Variants in ROBO2 observed in about 807,000 individuals in gnomAD.
The protein encoded by ROBO2 is roundabout homolog 2.
ROBO2 carries 53 observed loss-of-function variants against 160.8 expected under a neutral mutation model. That is an observed-to-expected ratio of 0.33 (90% CI 0.26 to 0.41). The LOEUF (loss-of-function observed/expected upper bound fraction) is 0.41, where lower values mean the gene tolerates loss of function less well. Ranked by LOEUF, ROBO2 falls within the 10% of genes least tolerant of loss-of-function variation. ROBO2 has a pLI of 1.00. For missense variants in ROBO2, 1,577 were observed against 1,722.4 expected (o/e 0.92, Z 1.49); for synonymous variants, 664 against 611.7 (o/e 1.09, Z -1.26).
At chr3:76,601,183 A>G (rs1462993977) in intron 2 of ROBO2, among the ~76,000 whole-genome samples, 1 of 152,154 alleles carries the variant, frequency 6.6e-6, no homozygotes, top group Non-Finnish European at 1.5e-5. Flanking sequence ...TATAGCCCCA[A>G]TCCTGGCTGC....
intron 5 of ROBO2, among the ~76,000 whole-genome samples, chr3:77,514,214 T>C (rs9833712): frequency 0.75 from 113,758 of 151,368 alleles, 42,953 homozygotes; most frequent in Admixed American, 0.81. Flanking sequence ...GAAAATTTAT[T>C]CTAGACTTCT....
intron 1 of ROBO2, among the ~76,000 whole-genome samples, chr3:77,064,315 C>A (rs1248010996): frequency 6.7e-6 from 1 of 149,428 alleles, no homozygotes; most frequent in Non-Finnish European, 1.5e-5. Flanking sequence ...ATACAAATTG[C>A]AATTTTATAT....
At chr3:75,924,525 G>A (rs1480172746) in intron 1 of ROBO2, among the ~76,000 whole-genome samples, 1 of 151,958 alleles carries the variant, frequency 6.6e-6, no homozygotes, top group Non-Finnish European at 1.5e-5. Context: ...ACCCCCAGAA[G>A]TATAAAGACA....
At chr3:76,125,150 A>G (rs551507808) in intron 2 of ROBO2, among the ~76,000 whole-genome samples, 4 of 152,206 alleles carry the variant, frequency 2.6e-5, no homozygotes, top group African/African-American at 4.8e-5. Flanking sequence ...TTCCAGCTCT[A>G]TCCATGTTGC....
At chr3:77,142,087 G>C (rs1486380358) in intron 2 of ROBO2, among the ~76,000 whole-genome samples, 1 of 151,936 alleles carries the variant, frequency 6.6e-6, no homozygotes, top group South Asian at 2.1e-4. Context: ...CTCTCTCTCT[G>C]TTTCTCTCTC....
chr3:77,007,470 T>C (rs2061641988), intron 2 of ROBO2, among the ~76,000 whole-genome samples: 1 of 152,116 alleles, frequency 6.6e-6, no homozygotes, highest in Non-Finnish European at 1.5e-5. Context: ...TATTTACAGA[T>C]CTTCTTCCTA....
At chr3:77,535,789 T>A (rs2092057818) in intron 6 of ROBO2, among the ~76,000 whole-genome samples, 1 of 152,124 alleles carries the variant, frequency 6.6e-6, no homozygotes, top group Admixed American at 6.5e-5. Flanking sequence ...TTCCTAGGGA[T>A]CTCTCAATTT....
intron 2 of ROBO2, among the ~76,000 whole-genome samples, chr3:76,303,295 G>A (rs188246299): frequency 4.5e-4 from 68 of 151,914 alleles, no homozygotes; most frequent in East Asian, 7.7e-4. Flanking sequence ...CTAATTTTTC[G>A]TATGAATTCT....
intron 2 of ROBO2, among the ~76,000 whole-genome samples, chr3:77,104,040 T>TA (rs529950906): frequency 1.6e-4 from 25 of 152,136 alleles, no homozygotes; most frequent in Middle Eastern, 3.4e-3. Context: ...GAGAGCTTTT[T>TA]AAAAAAAATG....
chr3:76,034,441 GATAAGA>G (rs2067033539), intron 2 of ROBO2, among the ~76,000 whole-genome samples: 1 of 152,096 alleles, frequency 6.6e-6, no homozygotes, highest in African/African-American at 2.4e-5. Context: ...AATTTTCTAT[GATAAGA>G]TGTGGAGACT....
intron 2 of ROBO2, among the ~76,000 whole-genome samples, chr3:77,112,650 C>T (rs1319153211): frequency 6.6e-6 from 1 of 152,106 alleles, no homozygotes; most frequent in Admixed American, 6.5e-5. Flanking sequence ...ATCGTTCCTA[C>T]CCGGCACCTC....
chr3:76,567,843 C>G, intron 2 of ROBO2, among the ~76,000 whole-genome samples: 1 of 121,046 alleles, frequency 8.3e-6, no homozygotes, highest in East Asian at 2.4e-4. Flanking sequence ...TGGACAGAGT[C>G]TTGCTCTGTT....
At chr3:77,632,657 G>C in intron 23 of ROBO2, 1 of 1,532,752 alleles carries the variant, frequency 6.5e-7, no homozygotes, top group Non-Finnish European at 8.7e-7. Context: ...ACAAGAACAG[G>C]TTGGTAGACT....
intron 2 of ROBO2, among the ~76,000 whole-genome samples, chr3:76,985,613 A>T (rs1305006017): frequency 6.8e-6 from 1 of 147,688 alleles, no homozygotes; most frequent in Non-Finnish European, 1.5e-5. Flanking sequence ...AAAGAAGATA[A>T]TCTATTTTTG....
intron 2 of ROBO2, among the ~76,000 whole-genome samples, chr3:76,392,820 T>C (rs1238205781): frequency 2.6e-5 from 4 of 152,148 alleles, no homozygotes; most frequent in Non-Finnish European, 5.9e-5. Flanking sequence ...TCAAAGGAAC[T>C]GAATTTTGAT....
intron 2 of ROBO2, among the ~76,000 whole-genome samples, chr3:76,459,674 A>G (rs1160088908): frequency 6.6e-6 from 1 of 152,196 alleles, no homozygotes; most frequent in Non-Finnish European, 1.5e-5. Flanking sequence ...TTAATGTAAT[A>G]AGACATATAC....
intron 8 of ROBO2, among the ~76,000 whole-genome samples, chr3:77,556,672 G>A (rs1457154535): frequency 6.6e-6 from 1 of 151,862 alleles, no homozygotes; most frequent in Non-Finnish European, 1.5e-5. Flanking sequence ...TAAGCAAACT[G>A]TTTTCAATTG....
intron 2 of ROBO2, among the ~76,000 whole-genome samples, chr3:76,184,219 C>G (rs1254697030): frequency 6.6e-6 from 1 of 152,064 alleles, no homozygotes; most frequent in Non-Finnish European, 1.5e-5. Flanking sequence ...CTGTGTCCAG[C>G]TAGGTACTTT....
rs1362972611 is a variant in ROBO2, at chr3:75,912,721, A to G, written c.-14+5761A>G. 4.8e-4 allele frequency among the ~76,000 whole-genome samples: 73 copies of G among 152,210 alleles called. 2 individuals are homozygous for G. The highest frequency in any genetic ancestry group is 4.8e-3 in the Admixed American group (73 of 15,274). On this transcript the variant is annotated intron_variant, in intron 1 of 26. Coordinates refer to the ROBO2 transcript ENST00000487694. ...GAAAAAAATTTCATCTCTAAGTTATACATACTGGTATAATCATATTGATTG... is the reference window on the plus strand; with the variant it reads ...GAAAAAAATTTCATCTCTAAGTTATGCATACTGGTATAATCATATTGATTG...
Sources: allele counts gnomAD v4.1 joint callset (sites outside exome capture counted in the v4.1 genomes callset), GRCh38; gene constraint gnomAD v4.1.1; transcripts MANE v1.5; gene names NCBI Gene and HGNC (gene_info 2026-07-23, HGNC 2026-07-21).